CD109: variants seen among roughly 807,000 people sequenced by gnomAD.
The protein encoded by CD109 is CD109 antigen.
Under a neutral mutation model 165.8 loss-of-function variants are expected in CD109, and 149 were observed. The observed-to-expected ratio is 0.90, with a 90% CI of 0.79 to 1.03. The LOEUF (loss-of-function observed/expected upper bound fraction) is 1.03. Ranked by LOEUF, CD109 falls within the 50% of genes least tolerant of loss-of-function variation. The pLI is 0.00. For missense variants in CD109, 1,712 were observed against 1,677.8 expected (o/e 1.02, Z -0.36); for synonymous variants, 585 against 592.1 (o/e 0.99, Z 0.18).
chr6:73,774,726 A>AG lies in CD109; in HGVS notation c.1827+3146dup, dbSNP rs1290030957. Among the ~76,000 whole-genome samples, 6 of 152,278 alleles carry AG rather than the reference A, an allele frequency of 3.9e-5. No individual in the cohort carries two copies. In the East Asian group the frequency reaches 9.6e-4, roughly 24 times the overall value. On this transcript the variant is annotated intron_variant, in intron 15 of 32. Coordinates refer to ENST00000287097, the MANE Select transcript of CD109 (RefSeq NM_133493.5). Reference sequence around the variant, plus strand: ...AGCAAAGTTTAAAAACCTCTCCTCCAGCCTGTTTTCTGACTATGTCTGCTG... The same window carrying AG: ...AGCAAAGTTTAAAAACCTCTCCTCCAGGCCTGTTTTCTGACTATGTCTGCTG...
chr6:73,792,840 A>T (rs759574576), intron 23 of CD109, 38 bp downstream of exon 23: 5 of 1,556,592 alleles, frequency 3.2e-6, no homozygotes, highest in Non-Finnish European at 4.3e-6. Flanking sequence ...TCGTAGAAAA[A>T]AATTTGTTTT....
chr6:73,817,069 A>G (rs1775962800), intron 30 of CD109, among the ~76,000 whole-genome samples: 1 of 152,224 alleles, frequency 6.6e-6, no homozygotes, highest in Admixed American at 6.5e-5. Context: ...AAAATCTGGT[A>G]TGAAGGACAA....
chr6:73,710,296 T>C, intron 2 of CD109, among the ~76,000 whole-genome samples: 1 of 152,028 alleles, frequency 6.6e-6, no homozygotes. Flanking sequence ...TATACACCAA[T>C]AACAGACAAA....
chr6:73,691,118 G>T (rs951599083), upstream of CD109, among the ~76,000 whole-genome samples: 5 of 152,108 alleles, frequency 3.3e-5, no homozygotes, highest in African/African-American at 1.2e-4. Flanking sequence ...AGAACCCACA[G>T]GCAATTAACA....
chr6:73,684,375 A>C, the CD109 span, among the ~76,000 whole-genome samples: 2 of 148,596 alleles, frequency 1.3e-5, no homozygotes, highest in Non-Finnish European at 3.0e-5. Flanking sequence ...GAGTGCCACC[A>C]CTCCTGGCTA....
At position 73,730,393 on chromosome 6, in the gene CD109, G is replaced by A. The variant is rs768337926; in HGVS notation, c.326G>A (p.Arg109His). The part of the protein sequence containing the change: ...DEIYELRVTG[R>H]TQDEILFSNS... ...ATTTATGAGCTACGTGTAACCGGAC[G>A]TACCCAGGATGAGATTTTATTCTCT... Residue 109 changes from arginine to histidine, a missense_variant, in exon 4 of 33, where the codon CGT (arginine) becomes CAT (histidine). Transcript: ENST00000287097. 1.2e-5 allele frequency: 19 copies of A among 1,613,836 alleles called. No homozygotes were observed. Among genetic ancestry groups the A allele is most frequent in the Admixed American group, 1.0e-4 (6 of 60,004 alleles).
chr6:73,758,922 T>C (rs1773505205), intron 6 of CD109, 22 bp from the exon 7 acceptor site: 1 of 1,351,264 alleles, frequency 7.4e-7, no homozygotes, highest in African/African-American at 1.4e-5. Context: ...AAAAAAGATT[T>C]ACCCTTGCTT....
chr6:73,770,723 G>A (rs1329353478), intron 14 of CD109, among the ~76,000 whole-genome samples: 1 of 152,138 alleles, frequency 6.6e-6, no homozygotes, highest in Non-Finnish European at 1.5e-5. Flanking sequence ...ACTCTAGCCT[G>A]GGCAACAAGA....
chr6:73,787,281 T>C lies in CD109; in HGVS notation c.2385T>C (p.Thr795=). The change falls in exon 21 of 33, where the codon ACT becomes ACC. Residue 795 remains threonine (T), a synonymous_variant. Coordinates refer to ENST00000287097, the MANE Select transcript of CD109 (RefSeq NM_133493.5). ...GTGACAAATTTGATATTCTAATGAC[T>C]TCAAATGAAATAAATGCCACAGGCC... ...EKSDKFDILM[T]SNEINATGHQ... The C allele has an allele frequency of 6.2e-7, 1 of 1,613,860 alleles. No homozygotes were observed. The highest frequency in any genetic ancestry group is 8.5e-7 in the Non-Finnish European group (1 of 1,179,756).
intron 5 of CD109, among the ~76,000 whole-genome samples, chr6:73,738,251 C>T (rs1462516617): frequency 6.6e-6 from 1 of 152,214 alleles, no homozygotes; most frequent in Non-Finnish European, 1.5e-5. Context: ...CTCTGTTCTC[C>T]TTTCACTCTT....
chr6:73,810,801 T>C (rs1775728236), intron 27 of CD109, among the ~76,000 whole-genome samples, 191 bp from the exon 28 acceptor site: 1 of 152,160 alleles, frequency 6.6e-6, no homozygotes, highest in African/African-American at 2.4e-5. Context: ...CACTAAAAAC[T>C]ATAAAACATT....
At chr6:73,779,814 C>G (rs536190374) in intron 15 of CD109, among the ~76,000 whole-genome samples, 1 of 151,774 alleles carries the variant, frequency 6.6e-6, no homozygotes, top group Admixed American at 6.6e-5. Context: ...ACTCTTTTAG[C>G]CTGTTTTACC....
At chr6:73,705,623 A>AAAAAGAAAAG (rs59423704) in intron 2 of CD109, among the ~76,000 whole-genome samples, 4,872 of 148,866 alleles carry the variant, frequency 0.033, 107 homozygotes, top group African/African-American at 0.057. Flanking sequence ...CTGTCTCAAG[A>AAAAAGAAAAG]AAAAGAAAAG....
chr6:73,783,687 A>G lies in CD109; in HGVS notation c.2106-20A>G. 2 of 1,353,572 alleles carry G rather than the reference A, an allele frequency of 1.5e-6. No homozygotes were observed. Among genetic ancestry groups the G allele is most frequent in the Non-Finnish European group, 2.1e-6 (2 of 943,792 alleles). 83.8% of individuals were successfully genotyped at this position (1,353,572 alleles called of 1,614,324 possible). A position where few individuals can be genotyped will look rare whatever the true frequency, so the allele number is the denominator to read the frequency against. On this transcript the variant is annotated intron_variant, in intron 18 of 32. Transcript: ENST00000287097. The stretch of plus-strand genomic sequence containing the variant: ...CAGTTCTTGGTTTTGTGATGTTTAT[A>G]TTTATTATCTTGACTTCAGTTACAG...
In CD109 at chr6:73,800,420, G is replaced by A. The variant is rs144906403; in HGVS notation, c.2879-2800G>A. On this transcript the variant is annotated intron_variant, in intron 23 of 32. Coordinates refer to ENST00000287097, the MANE Select transcript of CD109 (RefSeq NM_133493.5). ...GATGCTGTAATGAATAATCTTCTGCGTATATATTTTTGTATTGTTGGAGGT... is the reference window on the plus strand; with the variant it reads ...GATGCTGTAATGAATAATCTTCTGCATATATATTTTTGTATTGTTGGAGGT... 1.4e-3 allele frequency among the ~76,000 whole-genome samples: 216 copies of A among 152,196 alleles called. 1 individual carries two copies. Among genetic ancestry groups the A allele is most frequent in the African/African-American group, 2.0e-3 (84 of 41,506 alleles).
chr6:73,723,900 TA>T (rs1002924257), intron 3 of CD109, among the ~76,000 whole-genome samples: 2 of 150,856 alleles, frequency 1.3e-5, no homozygotes, highest in East Asian at 1.9e-4. Flanking sequence ...AAATAAAAGT[TA>T]AAAAAAAACA....
At chr6:73,789,896 G>T (rs986078424) in intron 22 of CD109, among the ~76,000 whole-genome samples, 3 of 151,522 alleles carry the variant, frequency 2.0e-5, no homozygotes, top group Non-Finnish European at 4.4e-5. Context: ...TGAGTAGCTG[G>T]AATTACAGGC....
intron 2 of CD109, among the ~76,000 whole-genome samples, chr6:73,716,089 T>A (rs1203604561): frequency 6.6e-6 from 1 of 152,226 alleles, no homozygotes; most frequent in Non-Finnish European, 1.5e-5. Flanking sequence ...TCCATCCATG[T>A]TGTTGCAAAT....
chr6:73,784,251 A>T (rs1475977795), intron 19 of CD109, among the ~76,000 whole-genome samples: 1 of 152,192 alleles, frequency 6.6e-6, no homozygotes, highest in Non-Finnish European at 1.5e-5. Context: ...TTGTTTCCTA[A>T]GCCAGTCACT....
Sources: gnomAD v4.1 joint callset for allele counts (sites outside exome capture counted in the v4.1 genomes callset) on GRCh38, gnomAD v4.1.1 for gene constraint, MANE v1.5 for transcripts, NCBI Gene and HGNC (gene_info 2026-07-23, HGNC 2026-07-21) for gene names.